Variants in MACROD2 observed in about 807,000 individuals in gnomAD.
The protein encoded by MACROD2 is ADP-ribose glycohydrolase MACROD2.
A neutral mutation model predicts 70.4 loss-of-function variants in MACROD2; 36 were observed. The ratio of observed to expected loss-of-function variants is 0.51; its 90% CI spans 0.39 to 0.68. The LOEUF is 0.68. Ranked by LOEUF, MACROD2 falls within the 30% of genes least tolerant of loss-of-function variation. The pLI is 0.00. For missense variants in MACROD2, 496 were observed against 538.4 expected, an observed-to-expected ratio of 0.92 and a Z score of 0.78; for synonymous variants, 172 against 178.8, an observed-to-expected ratio of 0.96 and a Z score of 0.30.
chr20:15,574,143 C>G (rs1165832007), intron 8 of MACROD2, among the ~76,000 whole-genome samples: 1 of 152,136 alleles, frequency 6.6e-6, no homozygotes, highest in Non-Finnish European at 1.5e-5. Context: ...TCATAAAATT[C>G]CAAGCATGTG....
At chr20:15,025,869 G>A (rs972704183) in intron 5 of MACROD2, among the ~76,000 whole-genome samples, 5 of 152,150 alleles carry the variant, frequency 3.3e-5, no homozygotes, top group African/African-American at 9.7e-5. Context: ...AACCCATTGA[G>A]AGCCACTCCA....
At chr20:15,415,952 TC>T (rs1395600492) in intron 6 of MACROD2, among the ~76,000 whole-genome samples, 1 of 152,210 alleles carries the variant, frequency 6.6e-6, no homozygotes, top group Non-Finnish European at 1.5e-5. Context: ...TTTGCTCATC[TC>T]CCAGTGTGGG....
At chr20:14,419,297 G>A (rs1323002938) in intron 3 of MACROD2, among the ~76,000 whole-genome samples, 1 of 152,056 alleles carries the variant, frequency 6.6e-6, no homozygotes, top group East Asian at 1.9e-4. Flanking sequence ...CAGGTGATCC[G>A]CCTGCCTCAG....
At chr20:15,015,913 G>T (rs76804074) in intron 5 of MACROD2, among the ~76,000 whole-genome samples, 3 of 152,148 alleles carry the variant, frequency 2.0e-5, no homozygotes, top group Non-Finnish European at 4.4e-5. Context: ...GAGCCAAGAT[G>T]ATAAACCAGA....
intron 8 of MACROD2, among the ~76,000 whole-genome samples, chr20:15,624,299 T>C (rs2049171210): frequency 3.3e-5 from 5 of 152,188 alleles, no homozygotes; most frequent in Admixed American, 3.3e-4. Flanking sequence ...CCACCCACAT[T>C]GAAGGTGGGT....
intron 7 of MACROD2, among the ~76,000 whole-genome samples, chr20:15,457,974 AAC>A (rs2046752060): frequency 2.0e-5 from 3 of 151,928 alleles, no homozygotes; most frequent in Non-Finnish European, 4.4e-5. Flanking sequence ...AAAAAAGAAA[AAC>A]AAGTCTAAGT....
chr20:15,054,932 G>C, intron 5 of MACROD2, among the ~76,000 whole-genome samples: 1 of 146,814 alleles, frequency 6.8e-6, no homozygotes, highest in South Asian at 2.1e-4. Context: ...ACAGGCTTGT[G>C]CCGCCACATC....
chr20:14,042,084 T>C (rs1477973992), intron 2 of MACROD2, among the ~76,000 whole-genome samples: 3 of 152,140 alleles, frequency 2.0e-5, no homozygotes, highest in Admixed American at 6.5e-5. Context: ...ATAGTTTATA[T>C]AGAAAATAAG....
In MACROD2 at chr20:14,936,127, G is replaced by A. The variant is rs2074338562; in HGVS notation, c.418+251168G>A. Among the ~76,000 whole-genome samples, 6 of 152,230 alleles carry A rather than the reference G, an allele frequency of 3.9e-5. No individual in the cohort carries two copies. The South Asian group carries it at 1.2e-3, about 32-fold the overall frequency. On this transcript the variant is annotated intron_variant, in intron 5 of 17. Coordinates refer to ENST00000684519, the MANE Select transcript of MACROD2 (RefSeq NM_001351661.2). ...ACATCTGCAAAAAAAATGTTAATATGAGTATGTGGTATAAAGAAAACAAAT... is the reference window on the plus strand; with the variant it reads ...ACATCTGCAAAAAAAATGTTAATATAAGTATGTGGTATAAAGAAAACAAAT...
chr20:15,820,952 C>T (rs1375712659), intron 8 of MACROD2, among the ~76,000 whole-genome samples: 2 of 152,192 alleles, frequency 1.3e-5, no homozygotes, highest in Non-Finnish European at 2.9e-5. Context: ...TAAGCCCCTG[C>T]TGTTCACATT....
At chr20:15,439,082 A>G (rs1389365574) in intron 7 of MACROD2, among the ~76,000 whole-genome samples, 2 of 152,196 alleles carry the variant, frequency 1.3e-5, no homozygotes, top group African/African-American at 4.8e-5. Flanking sequence ...GCCAAACTAA[A>G]TACAGCATTT....
intron 4 of MACROD2, 47 bp downstream of exon 4, chr20:14,493,555 AC>A (rs2084818214): frequency 6.1e-6 from 9 of 1,469,346 alleles, no homozygotes; most frequent in Middle Eastern, 1.9e-4. Context: ...TAATTGTTAT[AC>A]CAACTACAAG....
intron 2 of MACROD2, among the ~76,000 whole-genome samples, chr20:14,020,474 A>C (rs2053060023): frequency 6.6e-6 from 1 of 152,000 alleles, no homozygotes; most frequent in Non-Finnish European, 1.5e-5. Context: ...ACTCCATCTC[A>C]AAAAAAATAA....
At chr20:15,816,584 C>T (rs185130665) in intron 8 of MACROD2, among the ~76,000 whole-genome samples, 65 of 152,280 alleles carry the variant, frequency 4.3e-4, no homozygotes, top group Non-Finnish European at 8.8e-5. Context: ...GACCTTATAG[C>T]TTATCAAAAG....
At chr20:15,440,806 G>A (rs1484483720) in intron 7 of MACROD2, among the ~76,000 whole-genome samples, 1 of 152,014 alleles carries the variant, frequency 6.6e-6, no homozygotes, top group East Asian at 1.9e-4. Context: ...TCCTTCCTTT[G>A]GCTTTTTTCT....
In MACROD2 at chr20:14,871,769, A is replaced by G. The variant is rs148136639; in HGVS notation, c.418+186810A>G. Reference sequence around the variant, plus strand: ...GAAGATCATAGATATGCTATCTTCAAGAGACCCATCTCACATGCAGTGACA... The same window carrying G: ...GAAGATCATAGATATGCTATCTTCAGGAGACCCATCTCACATGCAGTGACA... On this transcript the variant is annotated intron_variant, in intron 5 of 17. Transcript: ENST00000684519. Among the ~76,000 whole-genome samples, 1,357 of 152,284 alleles carry G rather than the reference A, an allele frequency of 8.9e-3. 23 individuals are homozygous for G. Among genetic ancestry groups the G allele is most frequent in the African/African-American group, 0.031 (1,285 of 41,570 alleles).
intron 6 of MACROD2, among the ~76,000 whole-genome samples, chr20:15,320,769 A>G (rs2077865780): frequency 6.6e-6 from 1 of 152,000 alleles, no homozygotes; most frequent in Non-Finnish European, 1.5e-5. Flanking sequence ...TCTTCTATCA[A>G]CCAGCAAGCA....
Position 14,978,943 on chromosome 20 carries a change from A to G in MACROD2, c.419-250997A>G, listed in dbSNP as rs1444772158. On this transcript the variant is annotated intron_variant, in intron 5 of 17. Coordinates refer to ENST00000684519, the MANE Select transcript of MACROD2 (RefSeq NM_001351661.2). ...TATATCATAATATATATCATAATAT[A>G]TATAATCATATATATATATATTTAA... Among the ~76,000 whole-genome samples, 5 of 143,382 alleles carry G rather than the reference A, an allele frequency of 3.5e-5. No homozygotes were observed. In the East Asian group the frequency reaches 5.9e-4, roughly 17 times the overall value. 94.1% of individuals were successfully genotyped at this position (143,382 alleles called of 152,430 possible).
At chr20:16,032,772 A>G (rs1267656810) in intron 15 of MACROD2, among the ~76,000 whole-genome samples, 2 of 131,192 alleles carry the variant, frequency 1.5e-5, no homozygotes, top group African/African-American at 5.5e-5. Context: ...AGAGGAAGGA[A>G]GAGAGGAAGG....
Sources: allele counts gnomAD v4.1 joint callset (sites outside exome capture counted in the v4.1 genomes callset), GRCh38; gene constraint gnomAD v4.1.1; transcripts MANE v1.5; gene names NCBI Gene and HGNC (gene_info 2026-07-23, HGNC 2026-07-21).